The following CUX1 variants were observed in gnomAD, a reference collection of about 807,000 sequenced individuals.
The protein encoded by CUX1 is cut like homeobox 1, also known as protein CASP.
In CUX1, 31 loss-of-function variants were observed where a neutral mutation model predicts 158.8. The observed-to-expected ratio is 0.20, with a 90% CI of 0.15 to 0.26. CUX1 has a LOEUF of 0.26. Ranked by LOEUF, CUX1 falls within the 10% of genes least tolerant of loss-of-function variation. The probability of loss-of-function intolerance (pLI) is 1.00; values close to 1 mark genes in which losing one functional copy is unlikely to be tolerated. For synonymous variants in CUX1, 879 were observed against 862.1 expected (o/e 1.02, Z -0.34); for missense variants, 1,589 against 2,014.6 (o/e 0.79, Z 4.04).
intron 1 of CUX1, among the ~76,000 whole-genome samples, chr7:101,870,392 G>A (rs13229095): frequency 2.0e-5 from 3 of 151,742 alleles, no homozygotes; most frequent in Admixed American, 1.3e-4. Context: ...GTCTGGTTTC[G>A]AACTCCTGGC....
At chr7:102,101,860 C>T (rs144645886) in intron 5 of CUX1, among the ~76,000 whole-genome samples, 2,290 of 151,204 alleles carry the variant, frequency 0.015, 49 homozygotes, top group African/African-American at 0.051. Context: ...TGCAGTGGGC[C>T]GAGATTGCGC....
At chr7:101,816,643 G>T (rs1016792030), upstream of CUX1, among the ~76,000 whole-genome samples, 1 of 144,550 alleles carries the variant, frequency 6.9e-6, no homozygotes, top group Non-Finnish European at 1.5e-5. Context: ...GTTGCTGCGG[G>T]GGGTGAAGCG....
Position 102,255,908 on chromosome 7 carries a change from A to G in CUX1, c.*6866A>G, listed in dbSNP as rs1789844842. 2 of 985,250 alleles carry G rather than the reference A, an allele frequency of 2.0e-6. No homozygotes were observed. The highest frequency in any genetic ancestry group is 2.4e-6 in the Non-Finnish European group (2 of 829,900). The allele number at this position is 985,250 out of a possible 1,614,324, so 61.0% of individuals were successfully genotyped here. A position where few individuals can be genotyped will look rare whatever the true frequency, so the allele number is the denominator to read the frequency against. ...TGACTATGTGTAAAAGCTCTGTGCA[A>G]TTGAAATCATTTTTCTTCATTTTAA... On this transcript the variant is annotated 3_prime_UTR_variant, in exon 24 of 24. Transcript: ENST00000292535.
intron 1 of CUX1, among the ~76,000 whole-genome samples, chr7:101,914,965 G>A (rs775137412): frequency 3.9e-5 from 6 of 152,162 alleles, no homozygotes; most frequent in African/African-American, 9.7e-5. Context: ...TGGGTGGTGG[G>A]GGGTGGAGAA....
Position 102,252,121 on chromosome 7 carries a change from A to AT in CUX1, c.*3086dup, listed in dbSNP as rs1412074409. 253 of 984,000 alleles carry AT rather than the reference A, an allele frequency of 2.6e-4. No individual in the cohort carries two copies. The African/African-American group carries it at 4.1e-3, about 16-fold the overall frequency. The allele number at this position is 984,000 out of a possible 1,614,324, so 61.0% of individuals were successfully genotyped here. On this transcript the variant is annotated 3_prime_UTR_variant, in exon 24 of 24. Coordinates refer to ENST00000292535, the MANE Select transcript of CUX1 (RefSeq NM_181552.4). Reference sequence around the variant, plus strand: ...GTGTATTTTTTTTCCTCTATTATTTATTTTTTTAAAAAAAATAGAGATCCT... The same window carrying AT: ...GTGTATTTTTTTTCCTCTATTATTTATTTTTTTTAAAAAAAATAGAGATCCT...
At chr7:101,836,561 G>A (rs1584707328) in intron 1 of CUX1, among the ~76,000 whole-genome samples, 1 of 151,798 alleles carries the variant, frequency 6.6e-6, no homozygotes, top group East Asian at 1.9e-4. Flanking sequence ...TCAATCCTTG[G>A]CCAGGCGCAG....
intron 21 of CUX1, among the ~76,000 whole-genome samples, chr7:102,232,952 G>A (rs753967400): frequency 1.3e-5 from 2 of 152,134 alleles, no homozygotes; most frequent in African/African-American, 2.4e-5. Flanking sequence ...CCTCTCCTCT[G>A]TCCTGCTGTG....
chr7:102,050,922 C>T (rs1585424017), intron 3 of CUX1, among the ~76,000 whole-genome samples: 1 of 152,240 alleles, frequency 6.6e-6, no homozygotes, highest in East Asian at 1.9e-4. Context: ...CCCTCCTTCC[C>T]AGCAGTTGGC....
chr7:101,966,191 A>C (rs1212404381), intron 2 of CUX1, among the ~76,000 whole-genome samples: 1 of 151,890 alleles, frequency 6.6e-6, no homozygotes, highest in Non-Finnish European at 1.5e-5. Context: ...CCAACCTCCC[A>C]AGTAGCTGGG....
At chr7:102,243,632 A>AAAAAAT (rs141268587) in intron 23 of CUX1, among the ~76,000 whole-genome samples, 3 of 130,838 alleles carry the variant, frequency 2.3e-5, no homozygotes, top group East Asian at 2.2e-4. Context: ...TCTCTACAGA[A>AAAAAAT]AATAATAATA....
intron 1 of CUX1, among the ~76,000 whole-genome samples, chr7:101,867,127 G>C (rs974946090): frequency 3.3e-5 from 5 of 152,200 alleles, no homozygotes; most frequent in Non-Finnish European, 5.9e-5. Flanking sequence ...TGAGGCAGGA[G>C]AATGGCTTGA....
intron 2 of CUX1, among the ~76,000 whole-genome samples, chr7:101,935,267 T>C (rs1005410064): frequency 9.2e-5 from 14 of 152,270 alleles, no homozygotes; most frequent in Admixed American, 6.5e-4. Context: ...CAAACCCCTT[T>C]TGACTGTAAT....
intron 14 of CUX1, chr7:102,264,612 AC>A (rs1197038824): frequency 6.6e-6 from 1 of 152,456 alleles, no homozygotes; most frequent in East Asian, 1.9e-4. Context: ...TGGTGGGGAA[AC>A]AGGAAGTAGG....
intron 21 of CUX1, chr7:102,282,624 T>C: frequency 7.0e-7 from 1 of 1,420,072 alleles, no homozygotes; most frequent in South Asian, 1.2e-5. Flanking sequence ...AGAACCTTTA[T>C]GTTCCAGGCC....
rs916915930 is a variant in CUX1 at position 102,252,914 on chromosome 7, C to T, written c.*3872C>T. The stretch of plus-strand genomic sequence containing the variant: ...GCATGAGGCAGCTTCTAAGCGTCTC[C>T]TGGGACAGGATTGGGGTGACAGCCC... On this transcript the variant is annotated 3_prime_UTR_variant, in exon 24 of 24. Coordinates refer to ENST00000292535, the MANE Select transcript of CUX1 (RefSeq NM_181552.4). The T allele has an allele frequency of 4.1e-6, 4 of 985,468 alleles. No individual in the cohort carries two copies. Among genetic ancestry groups the T allele is most frequent in the East Asian group, 2.3e-4 (2 of 8,826 alleles). The allele number at this position is 985,468 out of a possible 1,614,324, so 61.0% of individuals were successfully genotyped here.
At chr7:101,994,423 G>T (rs1326041279) in intron 2 of CUX1, among the ~76,000 whole-genome samples, 1 of 152,096 alleles carries the variant, frequency 6.6e-6, no homozygotes, top group African/African-American at 2.4e-5. Context: ...GGGCAACATG[G>T]TACCCCGTCT....
chr7:101,817,778 GCT>G lies in CUX1; in HGVS notation c.30+112_30+113del. The G allele has an allele frequency of 1.5e-6, 2 of 1,357,110 alleles. No homozygotes were observed. Among genetic ancestry groups the G allele is most frequent in the Non-Finnish European group, 2.0e-6 (2 of 1,000,282 alleles). The allele number at this position is 1,357,110 out of a possible 1,614,324, so 84.1% of individuals were successfully genotyped here. On this transcript the variant is annotated intron_variant, in intron 1 of 23. Coordinates refer to ENST00000292535, the MANE Select transcript of CUX1 (RefSeq NM_181552.4). This position sits in a 1 kb window ranked among gnomAD's most constrained non-coding sequence, Gnocchi z 4.1. ...TTAGAATGCTCTAGGGCGGCCTGGT[GCT>G]CTGGGAGGGGATAGGAGGGTTCCTC... is the stretch of plus-strand genomic sequence containing the variant.
At chr7:102,259,213 T>C (rs901884551), downstream of CUX1, among the ~76,000 whole-genome samples, 8 of 152,342 alleles carry the variant, frequency 5.3e-5, no homozygotes, top group Middle Eastern at 3.4e-3. Flanking sequence ...GCCCCGTGTC[T>C]GATGCAGTCA....
At chr7:101,892,299 C>A (rs1450930158) in intron 1 of CUX1, among the ~76,000 whole-genome samples, 1 of 152,238 alleles carries the variant, frequency 6.6e-6, no homozygotes. Context: ...TAAGATTACA[C>A]AAGCGGCTGT....
Sources: gnomAD v4.1 joint callset for allele counts (sites outside exome capture counted in the v4.1 genomes callset) on GRCh38, gnomAD v4.1.1 for gene constraint, Gnocchi (gnomAD v3.1) non-coding constraint, MANE v1.5 for transcripts, NCBI Gene and HGNC (gene_info 2026-07-23, HGNC 2026-07-21) for gene names.